PPP1R9A: variants seen among roughly 807,000 people sequenced by gnomAD.
The protein encoded by PPP1R9A is protein phosphatase 1 regulatory subunit 9A, also known as neurabin-1.
A neutral mutation model predicts 141.9 loss-of-function variants in PPP1R9A; 59 were observed. That is an observed-to-expected ratio of 0.42 (90% CI 0.34 to 0.52). The LOEUF is 0.52. Among genes scored for constraint, PPP1R9A ranks in the 20% least tolerant of loss-of-function variants. The pLI, the probability that PPP1R9A is intolerant of heterozygous loss-of-function variation, is 0.10. For missense variants in PPP1R9A, 1,444 were observed against 1,611.9 expected, an observed-to-expected ratio of 0.90 and a Z score of 1.78; for synonymous variants, 500 against 569.7, an observed-to-expected ratio of 0.88 and a Z score of 1.74.
rs150693132 is a variant in PPP1R9A at position 95,140,169 on chromosome 7, G to A, written c.1649+19337G>A. 2.4e-4 allele frequency among the ~76,000 whole-genome samples: 36 copies of A among 152,296 alleles called. No homozygotes were observed. The East Asian group carries it at 3.3e-3, about 14-fold the overall frequency. ...TTTTTCCACTGTAGGGGAGTGGAGC[G>A]TAAGCTAGAGAGAACTAGAGAAGGC... On this transcript the variant is annotated intron_variant, in intron 4 of 19. Coordinates refer to ENST00000433360, the MANE Select transcript of PPP1R9A (RefSeq NM_001166160.2).
At chr7:95,279,076 C>G (rs541198037) in intron 16 of PPP1R9A, among the ~76,000 whole-genome samples, 191 of 152,300 alleles carry the variant, frequency 1.3e-3, no homozygotes, top group African/African-American at 4.5e-3. Flanking sequence ...AAATGACATT[C>G]TTCTTGCGTA....
intron 2 of PPP1R9A, chr7:95,036,499 G>T (rs1245281917): frequency 6.6e-6 from 1 of 152,138 alleles, no homozygotes; most frequent in Non-Finnish European, 1.5e-5. Flanking sequence ...AGCTAATATG[G>T]TTGCTGCAAC....
intron 2 of PPP1R9A, among the ~76,000 whole-genome samples, chr7:94,965,621 G>T (rs1175778825): frequency 6.6e-6 from 1 of 152,132 alleles, no homozygotes; most frequent in African/African-American, 2.4e-5. Context: ...TCAAGGATCA[G>T]ATGGTTGTAT....
Position 95,247,566 on chromosome 7 carries a change from A to T in PPP1R9A, c.2166+40A>T, listed in dbSNP as rs1306909030. The T allele has an allele frequency of 4.1e-6, 6 of 1,472,982 alleles. No individual in the cohort carries two copies. The South Asian group carries it at 7.0e-5, about 17-fold the overall frequency. 91.2% of individuals were successfully genotyped at this position (1,472,982 alleles called of 1,614,324 possible). On this transcript the variant is annotated intron_variant, in intron 9 of 19. Transcript: ENST00000433360. The stretch of plus-strand genomic sequence containing the variant: ...ATGGTGTTTGAATTTTACTTTTTAA[A>T]CTTCAGATACTATGAATAAATCCAA...
rs576346650 is a variant in PPP1R9A, at chr7:95,135,573, A to G, written c.1649+14741A>G. On this transcript the variant is annotated intron_variant, in intron 4 of 19. Transcript: ENST00000433360. Reference sequence around the variant, plus strand: ...GTTTTCGTTCACTTCTGATCATTCTATCTATTGATATTGTACAAACCTGTA... The same window carrying G: ...GTTTTCGTTCACTTCTGATCATTCTGTCTATTGATATTGTACAAACCTGTA... Among the ~76,000 whole-genome samples, 7 of 152,156 alleles carry G rather than the reference A, an allele frequency of 4.6e-5. No individual in the cohort carries two copies. In the East Asian group the frequency reaches 1.4e-3, roughly 29 times the overall value.
At chr7:95,233,594 G>C (rs960992715) in intron 8 of PPP1R9A, among the ~76,000 whole-genome samples, 10 of 152,120 alleles carry the variant, frequency 6.6e-5, no homozygotes, top group Non-Finnish European at 1.2e-4. Flanking sequence ...CATTCTGTCA[G>C]ACATTCAAAG....
At chr7:95,231,452 A>G (rs1795932095) in intron 8 of PPP1R9A, among the ~76,000 whole-genome samples, 1 of 152,174 alleles carries the variant, frequency 6.6e-6, no homozygotes. Context: ...TATACATTCT[A>G]TTCATCGGCA....
intron 16 of PPP1R9A, among the ~76,000 whole-genome samples, chr7:95,281,637 A>T (rs1804251963): frequency 6.6e-6 from 1 of 152,184 alleles, no homozygotes; most frequent in Admixed American, 6.5e-5. Context: ...TGGACTACCA[A>T]AAGTCCTTTT....
At chr7:94,921,231 G>A (rs1486002638) in intron 2 of PPP1R9A, among the ~76,000 whole-genome samples, 3 of 151,966 alleles carry the variant, frequency 2.0e-5, no homozygotes, top group Admixed American at 1.3e-4. Context: ...CGGATCACGA[G>A]GTCAGGAAAT....
chr7:94,975,787 G>T (rs1799383775), intron 2 of PPP1R9A, among the ~76,000 whole-genome samples: 1 of 152,102 alleles, frequency 6.6e-6, no homozygotes, highest in Admixed American at 6.5e-5. Flanking sequence ...TTGCTTAGCT[G>T]GATTGGGGTC....
chr7:95,072,846 T>TATATAATAATTATTATATATA (rs1814149619), intron 2 of PPP1R9A, among the ~76,000 whole-genome samples: 3 of 101,178 alleles, frequency 3.0e-5, no homozygotes, highest in African/African-American at 1.2e-4. Flanking sequence ...AATTATTATA[T>TATATAATAATTATTATATATA]ATAATATAAG....
intron 2 of PPP1R9A, among the ~76,000 whole-genome samples, chr7:94,975,594 CA>C (rs1263111678): frequency 2.0e-5 from 3 of 151,790 alleles, no homozygotes; most frequent in Non-Finnish European, 4.4e-5. Flanking sequence ...ACTCAGAACA[CA>C]TTTTTTTTTT....
intron 2 of PPP1R9A, among the ~76,000 whole-genome samples, chr7:94,957,052 CAG>C (rs1797147785): frequency 1.3e-5 from 2 of 152,114 alleles, no homozygotes; most frequent in African/African-American, 4.8e-5. Flanking sequence ...TATGAAATGG[CAG>C]AGTTCTCTGC....
At chr7:95,149,103 C>G (rs1828180238) in intron 4 of PPP1R9A, among the ~76,000 whole-genome samples, 1 of 151,756 alleles carries the variant, frequency 6.6e-6, no homozygotes, top group African/African-American at 2.4e-5. Context: ...ATTCAAAAGT[C>G]AATGAATATA....
At chr7:95,273,035 C>T (rs559997193) in intron 14 of PPP1R9A, among the ~76,000 whole-genome samples, 68 of 152,260 alleles carry the variant, frequency 4.5e-4, no homozygotes, top group East Asian at 9.7e-4. Context: ...AGAGCCTGTC[C>T]GAGATGGAAC....
rs141001036 is a variant in PPP1R9A at position 95,172,220 on chromosome 7, C to G, written c.1754+10249C>G. Among the ~76,000 whole-genome samples, 697 of 151,742 alleles carry G rather than the reference C, an allele frequency of 4.6e-3. 5 individuals carry two copies. The highest frequency in any genetic ancestry group is 0.016 in the African/African-American group (656 of 41,480). On this transcript the variant is annotated intron_variant, in intron 5 of 19. Transcript: ENST00000433360. ...GCAAATATCTCTACCCTCACCACTT[C>G]CATTCAAGATTGTACCAGAGGCCAT...
intron 8 of PPP1R9A, among the ~76,000 whole-genome samples, chr7:95,235,710 T>C (rs1220422420): frequency 2.0e-5 from 3 of 152,096 alleles, no homozygotes; most frequent in African/African-American, 7.2e-5. Flanking sequence ...TTTATAGCAG[T>C]ACAATTTGCA....
intron 2 of PPP1R9A, among the ~76,000 whole-genome samples, chr7:95,055,608 C>A (rs1811398708): frequency 6.6e-6 from 1 of 152,094 alleles, no homozygotes; most frequent in African/African-American, 2.4e-5. Flanking sequence ...TTAGTGATCC[C>A]CATAGCTTAT....
intron 2 of PPP1R9A, among the ~76,000 whole-genome samples, chr7:94,952,651 A>G (rs1796604952): frequency 6.6e-6 from 1 of 152,132 alleles, no homozygotes. Flanking sequence ...TGCCATTCTA[A>G]CTGGCATGAG....
Sources: gnomAD v4.1 joint callset for allele counts (sites outside exome capture counted in the v4.1 genomes callset) on GRCh38, gnomAD v4.1.1 for gene constraint, MANE v1.5 for transcripts, NCBI Gene and HGNC (gene_info 2026-07-23, HGNC 2026-07-21) for gene names.